Variants in TLK1 observed in about 807,000 individuals in gnomAD.
The protein encoded by TLK1 is tousled like kinase 1.
In TLK1, 24 loss-of-function variants were observed where a neutral mutation model predicts 105.3. That is an observed-to-expected ratio of 0.23 (90% CI 0.17 to 0.32). The LOEUF (loss-of-function observed/expected upper bound fraction) is 0.32, where lower values mean the gene tolerates loss of function less well. Among genes scored for constraint, TLK1 ranks in the 10% least tolerant of loss-of-function variants. The pLI, the probability that TLK1 is intolerant of heterozygous loss-of-function variation, is 1.00. For synonymous variants in TLK1, 321 were observed against 310.4 expected (o/e 1.03, Z -0.36); for missense variants, 558 against 910.5 (o/e 0.61, Z 4.98).
chr2:171,153,028 CA>C (rs201478184), intron 1 of TLK1, among the ~76,000 whole-genome samples: 17,181 of 150,976 alleles, frequency 0.11, 1,524 homozygotes, highest in African/African-American at 0.24. Flanking sequence ...AAAACTCATG[CA>C]AAAAAAAGTT....
chr2:171,116,400 C>T (rs1382803756), intron 2 of TLK1, among the ~76,000 whole-genome samples: 2 of 151,984 alleles, frequency 1.3e-5, no homozygotes, highest in Admixed American at 6.6e-5. Flanking sequence ...AACAAGCATA[C>T]AAAGAAATGC....
chr2:171,198,650 AG>A (rs1163764163), intron 1 of TLK1, among the ~76,000 whole-genome samples: 1 of 152,204 alleles, frequency 6.6e-6, no homozygotes, highest in Non-Finnish European at 1.5e-5. Flanking sequence ...AAGTTAGACA[AG>A]CATCCAAAGA....
At chr2:171,229,800 C>G (rs1449621620) in intron 1 of TLK1, among the ~76,000 whole-genome samples, 1 of 152,200 alleles carries the variant, frequency 6.6e-6, no homozygotes, top group Non-Finnish European at 1.5e-5. Context: ...TCGTACCTCA[C>G]TAGGCATGCT....
chr2:171,204,613 T>C (rs1432312942), intron 1 of TLK1, among the ~76,000 whole-genome samples: 1 of 151,748 alleles, frequency 6.6e-6, no homozygotes, highest in East Asian at 1.9e-4. Context: ...TCTGAAAATC[T>C]GTGAGTCTGT....
At chr2:171,223,618 T>G (rs762963758) in intron 1 of TLK1, among the ~76,000 whole-genome samples, 21 of 151,878 alleles carry the variant, frequency 1.4e-4, no homozygotes, top group Non-Finnish European at 2.2e-4. Flanking sequence ...TAGCTGGGAT[T>G]ATAGGTGCTC....
At chr2:171,056,434 C>A (rs774762763) in intron 6 of TLK1, 37 bp downstream of exon 6, 2 of 1,576,068 alleles carry the variant, frequency 1.3e-6, no homozygotes. Flanking sequence ...ATAACCCTCC[C>A]AAAGACTACA....
At chr2:171,111,480 G>A (rs1393018874) in intron 2 of TLK1, among the ~76,000 whole-genome samples, 2 of 151,832 alleles carry the variant, frequency 1.3e-5, no homozygotes, top group Admixed American at 6.6e-5. Flanking sequence ...AGCTACTTGG[G>A]AGGCTGAGAT....
upstream of TLK1, among the ~76,000 whole-genome samples, chr2:171,162,277 C>T (rs1410191551): frequency 6.6e-6 from 1 of 152,212 alleles, no homozygotes; most frequent in Non-Finnish European, 1.5e-5. Context: ...CGGTGGCTCA[C>T]GCCTGTAACC....
intron 1 of TLK1, among the ~76,000 whole-genome samples, chr2:171,219,093 T>A (rs1420175002): frequency 6.6e-6 from 1 of 152,076 alleles, no homozygotes; most frequent in African/African-American, 2.4e-5. Context: ...CCTAACCATA[T>A]CAAAAGTAAA....
intron 11 of TLK1, among the ~76,000 whole-genome samples, chr2:171,039,488 G>A (rs1363357963): frequency 1.3e-5 from 2 of 152,090 alleles, no homozygotes; most frequent in Admixed American, 1.3e-4. Context: ...CAACTCCTGA[G>A]CTCAAGCGAT....
chr2:171,157,586 T>C lies in TLK1; in HGVS notation c.139+2704A>G, dbSNP rs544095596. On this transcript the variant is annotated intron_variant, in intron 1 of 20. Transcript: ENST00000431350. ...CCAAATCTTATAGAGCTGTATTTTA[T>C]TTGTGATAAAACTATGTGAATATGA... Among the ~76,000 whole-genome samples the C allele has an allele frequency of 8.5e-5, 13 of 152,338 alleles. No individual in the cohort carries two copies. The East Asian group carries it at 1.5e-3, about 18-fold the overall frequency.
At chr2:171,129,830 A>AATAACATAACATAAC (rs3084410) in intron 1 of TLK1, among the ~76,000 whole-genome samples, 5,978 of 142,610 alleles carry the variant, frequency 0.042, 160 homozygotes, top group Middle Eastern at 0.046. Context: ...TAGGTTACCA[A>AATAACATAACATAAC]ATAACATAAC....
rs185315298 is a variant in TLK1, at chr2:171,105,061, C to A, written c.258+12678G>T. Among the ~76,000 whole-genome samples, 278 of 152,132 alleles carry A rather than the reference C, an allele frequency of 1.8e-3. 1 individual carries two copies. The highest frequency in any genetic ancestry group is 2.4e-3 in the Non-Finnish European group (160 of 68,000). ...CAAACTATGAAACTACTAGAAGAAA[C>A]CTTAGAGGAAACACTTCAGGGCATT... On this transcript the variant is annotated intron_variant, in intron 2 of 20. Coordinates refer to ENST00000431350, the MANE Select transcript of TLK1 (RefSeq NM_012290.5).
At chr2:171,162,195 AAAC>A (rs758172613), upstream of TLK1, among the ~76,000 whole-genome samples, 1 of 152,248 alleles carries the variant, frequency 6.6e-6, no homozygotes, top group Non-Finnish European at 1.5e-5. Flanking sequence ...GACATCTCAC[AAAC>A]AACTTTATTG....
rs1690498177 is a variant in TLK1, at chr2:171,117,838, A to G, written c.159T>C (p.His53=). The change falls in exon 2 of 21, where the codon CAT becomes CAC. Residue 53 remains histidine (H), a synonymous_variant. Coordinates refer to ENST00000431350, the MANE Select transcript of TLK1 (RefSeq NM_012290.5). ...RPREGAMDEL[H]SLDPRRQELL... is the part of the protein sequence containing the mutation. ...ACTCTTGCCTTCTTGGATCCAGACTATGAAGCTCATCCATTGCACCTATTA... is the reference window on the plus strand; with the variant it reads ...ACTCTTGCCTTCTTGGATCCAGACTGTGAAGCTCATCCATTGCACCTATTA... The G allele has an allele frequency of 6.2e-7, 1 of 1,613,432 alleles. No individual in the cohort carries two copies. The highest frequency in any genetic ancestry group is 8.5e-7 in the Non-Finnish European group (1 of 1,179,868).
chr2:171,094,976 A>G (rs1689392588), intron 2 of TLK1, among the ~76,000 whole-genome samples: 1 of 152,196 alleles, frequency 6.6e-6, no homozygotes, highest in Admixed American at 6.5e-5. Context: ...TGCCATAAAG[A>G]TTTGTTATAA....
Position 171,011,465 on chromosome 2 carries a change from G to C in TLK1, c.1335-11C>G. 6.2e-7 allele frequency: 1 copy of C among 1,601,060 alleles called. No individual in the cohort carries two copies. The highest frequency in any genetic ancestry group is 8.5e-7 in the Non-Finnish European group (1 of 1,174,460). ...GGGTGATCTTTGAACCTTAGAGGTG[G>C]GGGCAAAAAACAGACATATTAAAAC... On this transcript the variant is annotated splice_polypyrimidine_tract_variant and intron_variant, in intron 13 of 20. Transcript: ENST00000431350.
chr2:171,187,078 A>AAAAAAAAAAAAG (rs1693042625), intron 1 of TLK1, among the ~76,000 whole-genome samples: 1 of 127,320 alleles, frequency 7.9e-6, no homozygotes, highest in African/African-American at 3.6e-5. Context: ...AAAAAAAAAA[A>AAAAAAAAAAAAG]AAAAAGAAAA....
chr2:170,992,112 T>C lies in TLK1; in HGVS notation c.*1668A>G, dbSNP rs958941432. On this transcript the variant is annotated 3_prime_UTR_variant, in exon 21 of 21. Coordinates refer to ENST00000431350, the MANE Select transcript of TLK1 (RefSeq NM_012290.5). ...TGATTTTTAAGTGAAGGAGCTCAGTTAGTCAATATCCTACCATCTTGAAAG... is the reference window on the plus strand; with the variant it reads ...TGATTTTTAAGTGAAGGAGCTCAGTCAGTCAATATCCTACCATCTTGAAAG... The C allele has an allele frequency of 1.3e-5, 2 of 152,198 alleles. No individual in the cohort carries two copies. The highest frequency in any genetic ancestry group is 4.8e-5 in the African/African-American group (2 of 41,456). The allele number at this position is 152,198 out of a possible 1,614,324, so 9.4% of individuals were successfully genotyped here.
Sources: gnomAD v4.1 joint callset for allele counts (sites outside exome capture counted in the v4.1 genomes callset) on GRCh38, gnomAD v4.1.1 for gene constraint, MANE v1.5 for transcripts, NCBI Gene and HGNC (gene_info 2026-07-23, HGNC 2026-07-21) for gene names.